Variants in LPP observed in about 807,000 individuals in gnomAD.
The protein encoded by LPP is lipoma-preferred partner.
In LPP, 38 loss-of-function variants were observed where a neutral mutation model predicts 60.4. The observed-to-expected ratio is 0.63, with a 90% CI of 0.49 to 0.83. The LOEUF is 0.83. Ranked by LOEUF, LPP falls within the 40% of genes least tolerant of loss-of-function variation. The pLI is 0.00. For missense variants in LPP, 902 were observed against 783.6 expected (o/e 1.15, Z -1.80); for synonymous variants, 328 against 290.8 (o/e 1.13, Z -1.30).
intron 10 of LPP, among the ~76,000 whole-genome samples, chr3:188,870,723 C>T (rs947459387): frequency 2.6e-5 from 4 of 152,162 alleles, no homozygotes; most frequent in Non-Finnish European, 5.9e-5. Context: ...AATAGACCAC[C>T]TGGGATTGTG....
At chr3:188,179,690 CA>C (rs1724340677) in intron 1 of LPP, 1 of 355,782 alleles carries the variant, frequency 2.8e-6, no homozygotes, top group South Asian at 2.1e-5. Context: ...TTGTCTGCTC[CA>C]AAACTGTGGC....
rs1473160961 is a variant in LPP at position 188,890,540 on chromosome 3, A to C, written c.*16061A>C. 1 of 182,606 alleles carries C rather than the reference A, an allele frequency of 5.5e-6. No homozygotes were observed. The highest frequency in any genetic ancestry group is 1.2e-5 in the Non-Finnish European group (1 of 85,842). 11.3% of individuals were successfully genotyped at this position (182,606 alleles called of 1,614,324 possible). A position where few individuals can be genotyped will look rare whatever the true frequency, so the allele number is the denominator to read the frequency against. ...CCTGTTTTTCTATTTACCTTCTATC[A>C]GTTTTCTCTACCAATTATGTTTTTT... On this transcript the variant is annotated 3_prime_UTR_variant, in exon 12 of 12. Coordinates refer to ENST00000617246, the MANE Select transcript of LPP (RefSeq NM_001375462.1).
chr3:188,357,981 A>T (rs985249793), intron 3 of LPP, among the ~76,000 whole-genome samples: 13 of 152,204 alleles, frequency 8.5e-5, no homozygotes, highest in African/African-American at 3.1e-4. Context: ...TTATGAATGG[A>T]TGAGCAATTT....
At chr3:188,203,393 A>ATATAT (rs576102695) in intron 1 of LPP, among the ~76,000 whole-genome samples, 1 of 84,028 alleles carries the variant, frequency 1.2e-5, no homozygotes, top group African/African-American at 4.5e-5. Flanking sequence ...TTTATATATT[A>ATATAT]ATATATATTT....
chr3:188,206,864 A>G (rs1733374599), intron 1 of LPP, among the ~76,000 whole-genome samples: 1 of 152,206 alleles, frequency 6.6e-6, no homozygotes, highest in Admixed American at 6.5e-5. Flanking sequence ...CCTAGTTCAC[A>G]GGGTCATTGC....
chr3:188,817,796 G>C (rs1036781785), intron 9 of LPP, among the ~76,000 whole-genome samples: 1 of 152,152 alleles, frequency 6.6e-6, no homozygotes, highest in African/African-American at 2.4e-5. Context: ...ACCTGAGGTG[G>C]AGAAACAGAT....
intron 3 of LPP, among the ~76,000 whole-genome samples, chr3:188,361,545 C>CCTCTCCTCTCCTCT (rs1560296422): frequency 1.5e-5 from 1 of 64,678 alleles, no homozygotes; most frequent in Non-Finnish European, 2.8e-5. Flanking sequence ...TCCTCTCCTC[C>CCTCTCCTCTCCTCT]CCTCTCCTCT....
chr3:188,808,987 C>T (rs1750035302), intron 9 of LPP, among the ~76,000 whole-genome samples: 1 of 152,172 alleles, frequency 6.6e-6, no homozygotes, highest in African/African-American at 2.4e-5. Flanking sequence ...CCAGCTTCAT[C>T]CATGTCACTG....
At chr3:188,437,808 A>G (rs1359993834) in intron 4 of LPP, among the ~76,000 whole-genome samples, 1 of 152,202 alleles carries the variant, frequency 6.6e-6, no homozygotes, top group Non-Finnish European at 1.5e-5. Context: ...CTTCATGGGT[A>G]TAGCTTTTTG....
At chr3:188,485,593 C>G (rs1189778463) in intron 5 of LPP, among the ~76,000 whole-genome samples, 1 of 151,346 alleles carries the variant, frequency 6.6e-6, no homozygotes. Context: ...GTCAGGAGAT[C>G]GAGACCATCC....
chr3:188,555,905 G>A (rs1193120827), intron 6 of LPP, among the ~76,000 whole-genome samples: 1 of 152,090 alleles, frequency 6.6e-6, no homozygotes, highest in Non-Finnish European at 1.5e-5. Flanking sequence ...TAAGGTAATG[G>A]AGGAAGCCAT....
Position 188,886,763 on chromosome 3 carries a change from CA to C in LPP, c.*12285del, listed in dbSNP as rs1770729390. On this transcript the variant is annotated 3_prime_UTR_variant, in exon 12 of 12. Transcript: ENST00000617246. The stretch of plus-strand genomic sequence containing the variant: ...ACACACACACACACACACACACACA[CA>C]CCCCTTCCAAGAAAGCTGATCCTTC... 1 of 229,526 alleles carries C rather than the reference CA, an allele frequency of 4.4e-6. No homozygotes were observed. Among genetic ancestry groups the C allele is most frequent in the African/African-American group, 2.2e-5 (1 of 44,636 alleles). 14.2% of individuals were successfully genotyped at this position (229,526 alleles called of 1,614,324 possible).
intron 6 of LPP, among the ~76,000 whole-genome samples, chr3:188,595,359 A>G (rs1163833056): frequency 6.6e-6 from 1 of 152,218 alleles, no homozygotes; most frequent in Non-Finnish European, 1.5e-5. Context: ...TTTAAAAGGA[A>G]GTTTCACTGG....
intron 2 of LPP, among the ~76,000 whole-genome samples, chr3:188,309,916 G>A (rs1039559881): frequency 2.6e-5 from 4 of 152,090 alleles, no homozygotes; most frequent in African/African-American, 7.2e-5. Flanking sequence ...ACTTCTTGCA[G>A]ACCACAGAGA....
intron 9 of LPP, among the ~76,000 whole-genome samples, chr3:188,804,753 A>G (rs918817425): frequency 6.6e-6 from 1 of 152,084 alleles, no homozygotes; most frequent in Non-Finnish European, 1.5e-5. Context: ...AGTGGTGAAC[A>G]TGAACATTTT....
chr3:188,374,749 T>C (rs936153187), intron 3 of LPP, among the ~76,000 whole-genome samples: 3 of 152,160 alleles, frequency 2.0e-5, no homozygotes, highest in African/African-American at 7.2e-5. Context: ...CTACGTTGAA[T>C]AGGAGTGGGG....
chr3:188,886,723 C>CACACACACACAT lies in LPP; in HGVS notation c.*12255_*12256insTACACACACACA. On this transcript the variant is annotated 3_prime_UTR_variant, in exon 12 of 12. Coordinates refer to ENST00000617246, the MANE Select transcript of LPP (RefSeq NM_001375462.1). ...ATACAATTGTATTGTCTTCAAAACA[C>CACACACACACAT]ACACACACACACATACACACACACA... 5.9e-6 allele frequency: 1 copy of CACACACACACAT among 170,724 alleles called. No homozygotes were observed. The highest frequency in any genetic ancestry group is 8.3e-5 in the East Asian group (1 of 11,996). The allele number at this position is 170,724 out of a possible 1,614,324, so 10.6% of individuals were successfully genotyped here.
At chr3:188,259,233 C>T (rs1311426436) in intron 2 of LPP, among the ~76,000 whole-genome samples, 3 of 152,144 alleles carry the variant, frequency 2.0e-5, no homozygotes, top group Non-Finnish European at 2.9e-5. Context: ...AGATAATCAC[C>T]GTGGCTCCCA....
intron 9 of LPP, among the ~76,000 whole-genome samples, chr3:188,787,575 A>G (rs1742351506): frequency 6.6e-6 from 1 of 152,118 alleles, no homozygotes; most frequent in Non-Finnish European, 1.5e-5. Flanking sequence ...TAATACACTT[A>G]AGACTCTTCA....
Sources: allele counts gnomAD v4.1 joint callset (sites outside exome capture counted in the v4.1 genomes callset), GRCh38; gene constraint gnomAD v4.1.1; transcripts MANE v1.5; gene names NCBI Gene and HGNC (gene_info 2026-07-23, HGNC 2026-07-21).